Variants in CLOCK observed in about 807,000 individuals in gnomAD.
CLOCK encodes clock circadian regulator.
In CLOCK, 43 loss-of-function variants were observed where a neutral mutation model predicts 118.4. The ratio of observed to expected loss-of-function variants is 0.36; its 90% CI spans 0.28 to 0.47. The LOEUF (loss-of-function observed/expected upper bound fraction) is 0.47, where lower values mean the gene tolerates loss of function less well. Among genes scored for constraint, CLOCK ranks in the 20% least tolerant of loss-of-function variants. CLOCK has a pLI of 1.00. For missense variants in CLOCK, 846 were observed against 999.9 expected (o/e 0.85, Z 2.08); for synonymous variants, 326 against 339.2 (o/e 0.96, Z 0.43).
At position 55,455,802 on chromosome 4, in the gene CLOCK, T is replaced by C. The variant is rs543367007; in HGVS notation, c.982+95A>G. 1,780 of 906,182 alleles carry C rather than the reference T, an allele frequency of 2.0e-3. 6 individuals are homozygous for C. The highest frequency in any genetic ancestry group is 2.5e-3 in the South Asian group (185 of 73,380). 56.1% of individuals were successfully genotyped at this position (906,182 alleles called of 1,614,324 possible). A position where few individuals can be genotyped will look rare whatever the true frequency, so the allele number is the denominator to read the frequency against. The stretch of plus-strand genomic sequence containing the variant: ...TTAGCATATTTCAAAAATATGAAAA[T>C]GATTATAAATCTGTGTCTTACTACC... On this transcript the variant is annotated intron_variant, in intron 13 of 22. Coordinates refer to ENST00000513440, the MANE Select transcript of CLOCK (RefSeq NM_004898.4).
chr4:55,463,391 A>G lies in CLOCK; in HGVS notation c.559+294T>C, dbSNP rs557511007. 1.6e-4 allele frequency among the ~76,000 whole-genome samples: 24 copies of G among 152,222 alleles called. No individual in the cohort carries two copies. In the East Asian group the frequency reaches 4.1e-3, roughly 26 times the overall value. Reference sequence around the variant, plus strand: ...ACAGTAAAGTTTTATTTATAAATTAATAACTATATATTGCCAGGTCTCACT... The same window carrying G: ...ACAGTAAAGTTTTATTTATAAATTAGTAACTATATATTGCCAGGTCTCACT... On this transcript the variant is annotated intron_variant, in intron 9 of 22. Transcript: ENST00000513440.
chr4:55,453,159 G>C, intron 14 of CLOCK, 30 bp from the exon 15 acceptor site: 1 of 1,560,846 alleles, frequency 6.4e-7, no homozygotes, highest in South Asian at 1.1e-5. Flanking sequence ...TCAAATTTTA[G>C]TGTCTGGTCA....
chr4:55,504,362 A>C (rs1728662747), intron 2 of CLOCK, among the ~76,000 whole-genome samples: 1 of 151,812 alleles, frequency 6.6e-6, no homozygotes, highest in African/African-American at 2.4e-5. Flanking sequence ...GAAAACACTC[A>C]GCAAATCAAG....
chr4:55,440,636 A>G (rs1418820147), intron 21 of CLOCK, among the ~76,000 whole-genome samples: 3 of 152,390 alleles, frequency 2.0e-5, no homozygotes, highest in East Asian at 1.9e-4. Context: ...GTCCAAAGAA[A>G]TAAGTAATAT....
chr4:55,466,748 A>C (rs764643433), intron 8 of CLOCK, among the ~76,000 whole-genome samples: 4 of 152,162 alleles, frequency 2.6e-5, no homozygotes, highest in Non-Finnish European at 5.9e-5. Context: ...TAACCACTAC[A>C]CTTAAAATCT....
intron 1 of CLOCK, among the ~76,000 whole-genome samples, chr4:55,519,668 C>T (rs1729739068): frequency 6.6e-6 from 1 of 152,042 alleles, no homozygotes; most frequent in Non-Finnish European, 1.5e-5. Context: ...ATCCCAGCTA[C>T]TCAGGAAGCT....
intron 8 of CLOCK, among the ~76,000 whole-genome samples, chr4:55,468,357 C>A (rs1725880268): frequency 6.6e-6 from 1 of 152,080 alleles, no homozygotes. Context: ...CTGAAAACTC[C>A]CCCCAAAAGC....
At chr4:55,480,958 C>T (rs935485950) in intron 4 of CLOCK, among the ~76,000 whole-genome samples, 2 of 150,904 alleles carry the variant, frequency 1.3e-5, no homozygotes, top group African/African-American at 2.4e-5. Flanking sequence ...GCAGTCTGAG[C>T]GGTTAGTGGG....
At chr4:55,540,822 T>C (rs1455735215) in intron 1 of CLOCK, 1 of 152,236 alleles carries the variant, frequency 6.6e-6, no homozygotes, top group Non-Finnish European at 1.5e-5. Context: ...CACAGCCAGA[T>C]AGCCCTCACA....
At chr4:55,450,705 G>A (rs1724358036) in intron 15 of CLOCK, among the ~76,000 whole-genome samples, 1 of 151,864 alleles carries the variant, frequency 6.6e-6, no homozygotes, top group African/African-American at 2.4e-5. Context: ...GGAGGCGGAG[G>A]ATGTAGTGAG....
At chr4:55,444,946 T>C (rs1723681788) in intron 18 of CLOCK, among the ~76,000 whole-genome samples, 161 bp from the exon 19 acceptor site, 1 of 152,186 alleles carries the variant, frequency 6.6e-6, no homozygotes, top group Admixed American at 6.5e-5. Flanking sequence ...TTGCTCTGCT[T>C]TGTAATATTG....
Position 55,428,637 on chromosome 4 carries a change from A to ACTT in CLOCK, c.*6775_*6777dup, listed in dbSNP as rs1482488916. 2.0e-5 allele frequency: 3 copies of ACTT among 152,210 alleles called. No individual in the cohort carries two copies. Among genetic ancestry groups the ACTT allele is most frequent in the Non-Finnish European group, 4.4e-5 (3 of 68,042 alleles). The allele number at this position is 152,210 out of a possible 1,614,324, so 9.4% of individuals were successfully genotyped here. A position where few individuals can be genotyped will look rare whatever the true frequency, so the allele number is the denominator to read the frequency against. On this transcript the variant is annotated 3_prime_UTR_variant, in exon 23 of 23. Transcript: ENST00000513440. ...GAAGTAAAAATGATGAGCTACATCTACTTTTTAATTTAAAACCAAGAACCA... is the reference window on the plus strand; with the variant it reads ...GAAGTAAAAATGATGAGCTACATCTACTTCTTTTTAATTTAAAACCAAGAACCA...
In CLOCK at chr4:55,450,068, T is replaced by A. The variant is rs201313987; in HGVS notation, c.1348+23A>T. The A allele has an allele frequency of 1.9e-6, 3 of 1,613,922 alleles. No homozygotes were observed. The Admixed American group carries it at 5.0e-5, about 27-fold the overall frequency. Reference sequence around the variant, plus strand: ...TTAGTTAGTTACTTTAAAGGAAGTCTGCTTTGAAGCAAGGGTACTCACAGG... The same window carrying A: ...TTAGTTAGTTACTTTAAAGGAAGTCAGCTTTGAAGCAAGGGTACTCACAGG... On this transcript the variant is annotated intron_variant, in intron 16 of 22. Transcript: ENST00000513440.
In CLOCK at chr4:55,442,477, GT is replaced by G. The variant is rs746032203; in HGVS notation, c.2059del (p.Thr687ProfsTer6). On this transcript the variant is annotated frameshift_variant, in exon 21 of 23. Transcript: ENST00000513440. LOFTEE classifies it high-confidence loss of function. ...GAATGTAGTTACTGCAGCACTCTGGGTGCTGTTTTGTGGCATACTAGATGGA... is the reference window on the plus strand; with the variant it reads ...GAATGTAGTTACTGCAGCACTCTGGGGCTGTTTTGTGGCATACTAGATGGA... ...QIPSSMPQNSTQSAAVTTFTQ... is the reference protein window; with the variant it reads ...QIPSSMPQNSXQSAAVTTFTQ... The G allele has an allele frequency of 6.2e-7, 1 of 1,604,956 alleles. No individual in the cohort carries two copies. The highest frequency in any genetic ancestry group is 8.5e-7 in the Non-Finnish European group (1 of 1,177,728).
At chr4:55,491,354 T>C (rs1328169519) in intron 2 of CLOCK, among the ~76,000 whole-genome samples, 1 of 95,700 alleles carries the variant, frequency 1.0e-5, no homozygotes, top group South Asian at 3.1e-4. Flanking sequence ...ATGATTAGAG[T>C]AGAAATAAAA....
chr4:55,516,007 T>TG (rs1019177765), intron 1 of CLOCK, among the ~76,000 whole-genome samples: 1 of 152,322 alleles, frequency 6.6e-6, no homozygotes, highest in Non-Finnish European at 1.5e-5. Context: ...TTCAAGTATT[T>TG]GGGGATTTTC....
intron 21 of CLOCK, 173 bp downstream of exon 21, chr4:55,442,259 G>GA (rs1723430039): frequency 1.6e-6 from 1 of 628,052 alleles, no homozygotes. Context: ...CTTTAATTAT[G>GA]AAGTCTTTAA....
At chr4:55,541,705 T>C (rs1236834736) in intron 1 of CLOCK, among the ~76,000 whole-genome samples, 2 of 152,168 alleles carry the variant, frequency 1.3e-5, no homozygotes, top group African/African-American at 2.4e-5. Context: ...TTTCCTAATT[T>C]TTCTAGCAAT....
intron 1 of CLOCK, among the ~76,000 whole-genome samples, chr4:55,513,911 G>A (rs1338876388): frequency 3.3e-5 from 5 of 151,800 alleles, no homozygotes; most frequent in Non-Finnish European, 5.9e-5. Flanking sequence ...TTTAATTTTA[G>A]AATTCCACTT....
Sources: allele counts gnomAD v4.1 joint callset (sites outside exome capture counted in the v4.1 genomes callset), GRCh38; gene constraint gnomAD v4.1.1; transcripts MANE v1.5; gene names NCBI Gene and HGNC (gene_info 2026-07-23, HGNC 2026-07-21).